Variants in LRRC4C observed in about 807,000 individuals in gnomAD.
LRRC4C encodes the protein leucine rich repeat containing 4C.
In LRRC4C, 5 loss-of-function variants were observed where a neutral mutation model predicts 33.6. That is an observed-to-expected ratio of 0.15 (90% confidence interval 0.08 to 0.31). The LOEUF (loss-of-function observed/expected upper bound fraction) is 0.31, where lower values mean the gene tolerates loss of function less well. LRRC4C is among the 10% of genes least tolerant of loss of function. LRRC4C has a pLI of 1.00. For synonymous variants in LRRC4C, 329 were observed against 302.0 expected, an observed-to-expected ratio of 1.09 and a Z score of -0.93; for missense variants, 560 against 796.7, an observed-to-expected ratio of 0.70 and a Z score of 3.58.
chr11:40,673,307 A>C (rs1479302563), intron 2 of LRRC4C, among the ~76,000 whole-genome samples: 1 of 152,152 alleles, frequency 6.6e-6, no homozygotes, highest in Non-Finnish European at 1.5e-5. Context: ...CTTTTCCAAG[A>C]ATATTTATCC....
At chr11:41,183,938 G>A (rs1028550719) in intron 1 of LRRC4C, among the ~76,000 whole-genome samples, 4 of 152,192 alleles carry the variant, frequency 2.6e-5, no homozygotes, top group Non-Finnish European at 5.9e-5. Flanking sequence ...AACACCACAT[G>A]GAAGCTGCCA....
intron 3 of LRRC4C, among the ~76,000 whole-genome samples, chr11:40,511,613 G>A (rs1290225384): frequency 1.3e-5 from 2 of 152,156 alleles, no homozygotes; most frequent in Non-Finnish European, 2.9e-5. Flanking sequence ...GCATAACTGA[G>A]TATTCAGGAA....
chr11:40,408,500 C>T (rs916281378), intron 3 of LRRC4C, among the ~76,000 whole-genome samples: 3 of 151,660 alleles, frequency 2.0e-5, no homozygotes, highest in Admixed American at 6.6e-5. Context: ...TGGGGGACCT[C>T]TCTAGTGAAA....
At chr11:40,851,983 C>T (rs947806803) in intron 2 of LRRC4C, among the ~76,000 whole-genome samples, 4 of 151,956 alleles carry the variant, frequency 2.6e-5, no homozygotes, top group East Asian at 3.9e-4. Context: ...TTTGTACTTT[C>T]GTACTTTTTA....
intron 3 of LRRC4C, among the ~76,000 whole-genome samples, chr11:40,509,044 A>C (rs1955176692): frequency 6.6e-6 from 1 of 152,210 alleles, no homozygotes; most frequent in African/African-American, 2.4e-5. Context: ...TAAAATAAGC[A>C]GATCCATTGA....
chr11:41,235,978 A>G (rs1948004583), intron 1 of LRRC4C, among the ~76,000 whole-genome samples: 2 of 152,096 alleles, frequency 1.3e-5, no homozygotes, highest in Admixed American at 1.3e-4. Context: ...GGGCCCAGCT[A>G]CATTTTTCAG....
At chr11:40,531,528 A>G (rs1956271550) in intron 3 of LRRC4C, among the ~76,000 whole-genome samples, 1 of 152,116 alleles carries the variant, frequency 6.6e-6, no homozygotes, top group African/African-American at 2.4e-5. Context: ...GCAGTGGTGG[A>G]AAACAGAAAA....
intron 1 of LRRC4C, among the ~76,000 whole-genome samples, chr11:41,449,122 AGAAGCATTGCCTCTAATTT>A (rs1012952901): frequency 5.9e-5 from 9 of 152,226 alleles, no homozygotes; most frequent in African/African-American, 2.2e-4. Context: ...TGGAGCTAGC[AGAAGCATTGCCTCTAATTT>A]GAAGCCCTAG....
At position 40,115,044 on chromosome 11, in the gene LRRC4C, T is replaced by C. The variant is rs999956729; in HGVS notation, c.1249A>G (p.Thr417Ala). The C allele has an allele frequency of 6.2e-7, 1 of 1,614,100 alleles. No individual in the cohort carries two copies. Among genetic ancestry groups the C allele is most frequent in the Non-Finnish European group, 8.5e-7 (1 of 1,180,040 alleles). ...SDGTLNFTNV[T>A]VQDTGMYTCM... ...GTGTACATGCCTGTATCTTGCACAG[T>C]TACATTTGTGAAATTTAACGTACCA... The change falls in exon 7 of 7, where the codon ACT becomes GCT. Residue 417 changes from threonine (T) to alanine (A), a missense_variant. Thr to Ala is a moderately conservative substitution (Grantham distance 58, BLOSUM62 0). Coordinates refer to ENST00000528697, the MANE Select transcript of LRRC4C (RefSeq NM_001258419.2). This position sits in a 1 kb window ranked among gnomAD's most constrained non-coding sequence, Gnocchi z 6.7.
chr11:40,697,633 A>G (rs549706988), intron 2 of LRRC4C, among the ~76,000 whole-genome samples: 1 of 152,280 alleles, frequency 6.6e-6, no homozygotes, highest in Admixed American at 6.5e-5. Flanking sequence ...TCTTTAAATA[A>G]TTTAGAGTTA....
chr11:40,510,761 G>A (rs909395321), intron 3 of LRRC4C, among the ~76,000 whole-genome samples: 9 of 152,146 alleles, frequency 5.9e-5, no homozygotes, highest in African/African-American at 2.2e-4. Flanking sequence ...GAAAACCATT[G>A]CAGGACTTTG....
intron 5 of LRRC4C, among the ~76,000 whole-genome samples, chr11:40,154,839 C>T (rs1395745386): frequency 6.6e-6 from 1 of 152,106 alleles, no homozygotes; most frequent in Non-Finnish European, 1.5e-5. Context: ...TTAAACTATA[C>T]CTTGGAACAA....
intron 1 of LRRC4C, among the ~76,000 whole-genome samples, chr11:41,126,323 A>G (rs1321423308): frequency 6.6e-6 from 1 of 152,060 alleles, no homozygotes; most frequent in African/African-American, 2.4e-5. Context: ...TGTAAGACCT[A>G]AGTAAGATTT....
intron 1 of LRRC4C, among the ~76,000 whole-genome samples, chr11:41,266,694 G>A (rs1385180804): frequency 6.6e-6 from 1 of 152,080 alleles, no homozygotes; most frequent in East Asian, 1.9e-4. Context: ...CTCTTAATGT[G>A]ATTGAAGCTC....
chr11:41,430,586 A>G (rs538202503), intron 1 of LRRC4C, among the ~76,000 whole-genome samples: 1 of 152,272 alleles, frequency 6.6e-6, no homozygotes, highest in South Asian at 2.1e-4. Context: ...CCAGATAAAC[A>G]GGAAATGTTT....
chr11:41,360,249 C>A (rs906899114), intron 1 of LRRC4C, among the ~76,000 whole-genome samples: 1 of 152,084 alleles, frequency 6.6e-6, no homozygotes, highest in African/African-American at 2.4e-5. Context: ...CTCTCCATCC[C>A]GGACACCTCA....
chr11:40,753,422 T>TA lies in LRRC4C; in HGVS notation c.-406-105145dup, dbSNP rs543155099. On this transcript the variant is annotated intron_variant, in intron 2 of 6. Coordinates refer to ENST00000528697, the MANE Select transcript of LRRC4C (RefSeq NM_001258419.2). ...ATATATGTAAAATATGAAGTACCAGTAAAAAAAAAATACATAAAAAACCAA... is the reference window on the plus strand; with the variant it reads ...ATATATGTAAAATATGAAGTACCAGTAAAAAAAAAAATACATAAAAAACCAA... 8.8e-3 allele frequency among the ~76,000 whole-genome samples: 1,290 copies of TA among 146,406 alleles called. 16 individuals carry two copies. The highest frequency in any genetic ancestry group is 0.029 in the African/African-American group (1,173 of 40,104).
At chr11:41,169,137 A>G (rs1944859313) in intron 1 of LRRC4C, among the ~76,000 whole-genome samples, 1 of 152,196 alleles carries the variant, frequency 6.6e-6, no homozygotes, top group Non-Finnish European at 1.5e-5. Context: ...AAGGGTTTCA[A>G]GGTCTGTTTA....
At chr11:41,440,554 A>G (rs1177518026) in intron 1 of LRRC4C, among the ~76,000 whole-genome samples, 2 of 152,100 alleles carry the variant, frequency 1.3e-5, no homozygotes, top group Non-Finnish European at 2.9e-5. Flanking sequence ...TTTTTTTTAA[A>G]AAAAAGTATA....
Sources: gnomAD v4.1 joint callset for allele counts (sites outside exome capture counted in the v4.1 genomes callset) on GRCh38, gnomAD v4.1.1 for gene constraint, Gnocchi (gnomAD v3.1) non-coding constraint, MANE v1.5 for transcripts, NCBI Gene and HGNC (gene_info 2026-07-23, HGNC 2026-07-21) for gene names.